The following SCN4A variants were observed in gnomAD, a reference collection of about 807,000 sequenced individuals.
The protein encoded by SCN4A is sodium voltage-gated channel alpha subunit 4.
In SCN4A, 83 loss-of-function variants were observed where a neutral mutation model predicts 162.0. That is an observed-to-expected ratio of 0.51 (90% CI 0.43 to 0.61). The LOEUF (loss-of-function observed/expected upper bound fraction) is 0.61, where lower values mean the gene tolerates loss of function less well. SCN4A is among the 20% of genes least tolerant of loss of function. The pLI is 0.00. For missense variants in SCN4A, 2,196 were observed against 2,462.5 expected (o/e 0.89, Z 2.29); for synonymous variants, 944 against 985.1 (o/e 0.96, Z 0.78).
At chr17:63,956,684 T>C (rs1016491204) in intron 13 of SCN4A, among the ~76,000 whole-genome samples, 2 of 152,262 alleles carry the variant, frequency 1.3e-5, no homozygotes, top group Non-Finnish European at 2.9e-5. Flanking sequence ...AACTCCCTGT[T>C]GTTTTTCTTC....
rs1908522261 is a variant in SCN4A, at chr17:63,941,343, G to A, written c.4939C>T (p.Leu1647=). The A allele has an allele frequency of 6.2e-7, 1 of 1,613,816 alleles. No homozygotes were observed. The highest frequency in any genetic ancestry group is 8.5e-7 in the Non-Finnish European group (1 of 1,179,886). ...YSRLSDFVDT[L]QEPLRIAKPN... ...TTGGCAATCCTCAGCGGTTCCTGCA[G>A]GGTGTCCACGAAGTCTGAGAGGCGG... is the stretch of plus-strand genomic sequence containing the variant. Residue 1647 remains leucine, a synonymous_variant, in exon 24 of 24, where the codon CTG becomes TTG. Transcript: ENST00000435607. This position sits in a 1 kb window ranked among gnomAD's most constrained non-coding sequence, Gnocchi z 6.2.
intron 6 of SCN4A, among the ~76,000 whole-genome samples, chr17:63,967,612 T>A (rs1013143897): frequency 6.6e-6 from 1 of 151,998 alleles, no homozygotes; most frequent in Non-Finnish European, 1.5e-5. Context: ...TAAGCTCAGG[T>A]CCTCGCCATA....
chr17:63,964,873 G>A (rs1260276135), intron 8 of SCN4A, among the ~76,000 whole-genome samples, 196 bp from the exon 9 acceptor site: 3 of 152,296 alleles, frequency 2.0e-5, no homozygotes, highest in Non-Finnish European at 2.9e-5. Flanking sequence ...GGACTCAAAC[G>A]TTTCTGGTCT....
Position 63,948,030 on chromosome 17 carries a change from C to G in SCN4A, c.3178G>C (p.Val1060Leu). The change falls in exon 17 of 24, where the codon GTC becomes CTC. Residue 1060 changes from valine (V) to leucine (L), a missense_variant. Transcript: ENST00000435607. Reference protein sequence around the residue: ...FEDIYIEQRRVIRTILEYADK... With the variant: ...FEDIYIEQRRLIRTILEYADK... The stretch of plus-strand genomic sequence containing the variant: ...GCATATTCTAGGATGGTGCGAATGA[C>G]TCGCCGCTGCTCAATGTAGATGTCC... The G allele has an allele frequency of 6.2e-7, 1 of 1,611,336 alleles. No individual in the cohort carries two copies. The highest frequency in any genetic ancestry group is 1.1e-5 in the South Asian group (1 of 90,930).
At position 63,945,215 on chromosome 17, in the gene SCN4A, G is replaced by A; in HGVS notation, c.3720+145C>T. 1 of 1,001,696 alleles carries A rather than the reference G, an allele frequency of 1.0e-6. No individual in the cohort carries two copies. Among genetic ancestry groups the A allele is most frequent in the Admixed American group, 2.2e-5 (1 of 45,084 alleles). 62.1% of individuals were successfully genotyped at this position (1,001,696 alleles called of 1,614,324 possible). A position where few individuals can be genotyped will look rare whatever the true frequency, so the allele number is the denominator to read the frequency against. On this transcript the variant is annotated intron_variant, in intron 19 of 23. Coordinates refer to ENST00000435607, the MANE Select transcript of SCN4A (RefSeq NM_000334.4). The surrounding 1 kb of genome is among the most constrained non-coding windows in gnomAD (Gnocchi z 4.4). The stretch of plus-strand genomic sequence containing the variant: ...ATCAAATAAAGACCAGAGAGGTCTA[G>A]ACACTGCCTGGGGATCCCACAGCAT...
At chr17:63,948,794 G>GCAC in intron 15 of SCN4A, 29 bp from the exon 16 acceptor site, 2 of 1,571,922 alleles carry the variant, frequency 1.3e-6, no homozygotes, top group Non-Finnish European at 1.7e-6. Context: ...ACAGGGACAG[G>GCAC]CACCACATCA....
In SCN4A at chr17:63,968,201, C is replaced by T. The variant is rs560230431; in HGVS notation, c.858G>A (p.Pro286=). The change falls in exon 6 of 24, where the codon CCG becomes CCA. Residue 286 remains proline, a synonymous_variant. Transcript: ENST00000435607. ...ACCACGTGGTGTTGGTGTCGTTGAA[C>T]GGCGGGGGCCAGCGCACACACTTCT... The part of the protein sequence containing the change: ...LRQKCVRWPP[P]FNDTNTTWYS... 34 of 1,613,998 alleles carry T rather than the reference C, an allele frequency of 2.1e-5. No homozygotes were observed. The highest frequency in any genetic ancestry group is 3.3e-4 in the Middle Eastern group (2 of 6,062).
chr17:63,940,716 C>T lies in SCN4A; in HGVS notation c.*55G>A, dbSNP rs761846479. The T allele has an allele frequency of 5.0e-4, 753 of 1,513,196 alleles. 2 individuals carry two copies. The highest frequency in any genetic ancestry group is 6.2e-4 in the Middle Eastern group (3 of 4,856). 93.7% of individuals were successfully genotyped at this position (1,513,196 alleles called of 1,614,324 possible). On this transcript the variant is annotated 3_prime_UTR_variant, in exon 24 of 24. Coordinates refer to ENST00000435607, the MANE Select transcript of SCN4A (RefSeq NM_000334.4). ...TCCCTCACTCTGTGTGCAGGCACCA[C>T]GGGGGAGCTCTGGGGACTATGCCGA...
chr17:63,957,938 G>A (rs1289304291), intron 12 of SCN4A, among the ~76,000 whole-genome samples: 1 of 150,636 alleles, frequency 6.6e-6, no homozygotes, highest in Non-Finnish European at 1.5e-5. Flanking sequence ...CAGGGAGGTG[G>A]AGCTTGTAGT....
chr17:63,943,063 T>G lies in SCN4A; in HGVS notation c.4051A>C (p.Thr1351Pro). ...KIQGMVYDLV[T>P]KQAFDITIMI... ...ATGGTGATGTCGAAGGCCTGCTTCG[T>G]CACGAGGTCATACACCATGCCCTGG... The change falls in exon 23 of 24, where the codon ACG becomes CCG. Residue 1351 changes from threonine to proline, a missense_variant. Transcript: ENST00000435607. The G allele has an allele frequency of 6.2e-7, 1 of 1,613,800 alleles. No homozygotes were observed. The highest frequency in any genetic ancestry group is 8.5e-7 in the Non-Finnish European group (1 of 1,179,742).
chr17:63,945,446 G>A lies in SCN4A; in HGVS notation c.3634C>T (p.Leu1212Phe). 1 of 1,613,968 alleles carries A rather than the reference G, an allele frequency of 6.2e-7. No homozygotes were observed. The highest frequency in any genetic ancestry group is 1.1e-5 in the South Asian group (1 of 91,074). ...CAGCGGACCTGGCCTGTGTGCATGAGGCTCTCGCACTCAGACTTGTTGTTG... is the reference window on the plus strand; with the variant it reads ...CAGCGGACCTGGCCTGTGTGCATGAAGCTCTCGCACTCAGACTTGTTGTTG... Reference protein sequence around the residue: ...EVNNKSECESLMHTGQVRWLN... With the variant: ...EVNNKSECESFMHTGQVRWLN... Residue 1212 changes from leucine to phenylalanine, a missense_variant, in exon 19 of 24, where the codon CTC (leucine) becomes TTC (phenylalanine). Physicochemically the swap from Leu to Phe is conservative, Grantham distance 22. Transcript: ENST00000435607. This position sits in a 1 kb window ranked among gnomAD's most constrained non-coding sequence, Gnocchi z 4.4.
In SCN4A at chr17:63,941,636, C is replaced by T; in HGVS notation, c.4646G>A (p.Gly1549Glu). The T allele has an allele frequency of 6.2e-7, 1 of 1,614,008 alleles. No individual in the cohort carries two copies. The highest frequency in any genetic ancestry group is 1.7e-5 in the Admixed American group (1 of 59,996). ...DGLLNPILNS[G>E]PPDCDPNLEN... ...CAGGTTGGGGTCACAGTCTGGGGGC[C>T]CGCTGTTGAGGATGGGGTTGAGGAG... Residue 1549 changes from glycine (G) to glutamate (E), a missense_variant, in exon 24 of 24, where the codon GGG (glycine) becomes GAG (glutamate). Physicochemically the swap from Gly to Glu is moderately conservative, Grantham distance 98 (BLOSUM62 -2). Transcript: ENST00000435607. The surrounding 1 kb of genome is among the most constrained non-coding windows in gnomAD (Gnocchi z 6.2).
In SCN4A at chr17:63,943,771, G is replaced by A. The variant is rs1567817335; in HGVS notation, c.3992C>T (p.Pro1331Leu). 6.2e-7 allele frequency: 1 copy of A among 1,612,584 alleles called. No homozygotes were observed. Among genetic ancestry groups the A allele is most frequent in the Non-Finnish European group, 8.5e-7 (1 of 1,178,700 alleles). ...NAMKKLGSKK[P>L]QKPIPRPQNK... is the part of the protein sequence containing the mutation. ...CTGGGGCCGGGGAATTGGCTTCTGAGGCTTCTTGGAGCCAAGCTTCTTCAT... is the reference window on the plus strand; with the variant it reads ...CTGGGGCCGGGGAATTGGCTTCTGAAGCTTCTTGGAGCCAAGCTTCTTCAT... The change falls in exon 22 of 24, where the codon CCT becomes CTT. Residue 1331 changes from proline to leucine, a missense_variant. Pro to Leu is a moderately conservative substitution (Grantham distance 98). Coordinates refer to ENST00000435607, the MANE Select transcript of SCN4A (RefSeq NM_000334.4).
chr17:63,957,894 A>AAACT (rs1824078696), intron 12 of SCN4A, among the ~76,000 whole-genome samples: 1 of 151,740 alleles, frequency 6.6e-6, no homozygotes, highest in Non-Finnish European at 1.5e-5. Context: ...AATCTCAGTT[A>AAACT]CTCAGGAGGC....
In SCN4A at chr17:63,964,550, G is replaced by T. The variant is rs1567826131; in HGVS notation, c.1370C>A (p.Thr457Asn). ...CTCTTTCTCCTTATCCTCGGCCAGG[G>T]TGGCCTCATTCTGCTCGGCATATGC... ...AMAYAEQNEATLAEDKEKEEE... is the reference protein window; with the variant it reads ...AMAYAEQNEANLAEDKEKEEE... The change falls in exon 9 of 24, where the codon ACC becomes AAC. Residue 457 changes from threonine (T) to asparagine (N), a missense_variant. Coordinates refer to ENST00000435607, the MANE Select transcript of SCN4A (RefSeq NM_000334.4). 6.2e-7 allele frequency: 1 copy of T among 1,614,066 alleles called. No individual in the cohort carries two copies. The highest frequency in any genetic ancestry group is 8.5e-7 in the Non-Finnish European group (1 of 1,179,906).
rs146659784 is a variant in SCN4A at position 63,960,278 on chromosome 17, C to T, written c.1846-840G>A. Among the ~76,000 whole-genome samples, 1,384 of 152,358 alleles carry T rather than the reference C, an allele frequency of 9.1e-3. 12 individuals carry two copies. The highest frequency in any genetic ancestry group is 0.013 in the Non-Finnish European group (858 of 68,022). On this transcript the variant is annotated intron_variant, in intron 11 of 23. Coordinates refer to ENST00000435607, the MANE Select transcript of SCN4A (RefSeq NM_000334.4). Reference sequence around the variant, plus strand: ...GCAAGCGGGCAGGCCCGGTCCATCACGCACATCCCAGCAGCTGTGCCACGA... The same window carrying T: ...GCAAGCGGGCAGGCCCGGTCCATCATGCACATCCCAGCAGCTGTGCCACGA...
chr17:63,960,033 A>T (rs191225808), intron 11 of SCN4A, among the ~76,000 whole-genome samples: 2 of 152,352 alleles, frequency 1.3e-5, no homozygotes, highest in East Asian at 3.9e-4. Flanking sequence ...CAAAAGGAGC[A>T]AAATCAGTGA....
At position 63,951,302 on chromosome 17, in the gene SCN4A, G is replaced by T. The variant is rs1436288401; in HGVS notation, c.2853+122C>A. On this transcript the variant is annotated intron_variant, in intron 14 of 23. Coordinates refer to ENST00000435607, the MANE Select transcript of SCN4A (RefSeq NM_000334.4). This position sits in a 1 kb window ranked among gnomAD's most constrained non-coding sequence, Gnocchi z 4.5. ...CGTCTCACATAATGCTTGCAACAAT[G>T]CCATAGGGCACCACCCCCATTTTAC... 1.5e-6 allele frequency: 1 copy of T among 679,604 alleles called. No individual in the cohort carries two copies. The allele number at this position is 679,604 out of a possible 1,614,324, so 42.1% of individuals were successfully genotyped here. A position where few individuals can be genotyped will look rare whatever the true frequency, so the allele number is the denominator to read the frequency against.
chr17:63,958,898 A>C (rs922906921), intron 12 of SCN4A, among the ~76,000 whole-genome samples: 1 of 152,164 alleles, frequency 6.6e-6, no homozygotes, highest in Non-Finnish European at 1.5e-5. Context: ...GGGGTGGTGA[A>C]AAGACAGAAA....
Sources: gnomAD v4.1 joint callset for allele counts (sites outside exome capture counted in the v4.1 genomes callset) on GRCh38, gnomAD v4.1.1 for gene constraint, Gnocchi (gnomAD v3.1) non-coding constraint, MANE v1.5 for transcripts, NCBI Gene and HGNC (gene_info 2026-07-23, HGNC 2026-07-21) for gene names.